The following TESPA1 variants were observed in gnomAD, a reference collection of about 807,000 sequenced individuals.
TESPA1 encodes protein TESPA1.
In TESPA1, 33 loss-of-function variants were observed where a neutral mutation model predicts 57.9. The observed-to-expected ratio is 0.57, with a 90% CI of 0.43 to 0.76. The LOEUF is 0.76. Ranked by LOEUF, TESPA1 falls within the 30% of genes least tolerant of loss-of-function variation. The pLI is 0.00. For synonymous variants in TESPA1, 227 were observed against 228.9 expected, an observed-to-expected ratio of 0.99 and a Z score of 0.07; for missense variants, 618 against 632.9, an observed-to-expected ratio of 0.98 and a Z score of 0.25.
At chr12:54,952,322 A>T (rs1950453778) in intron 10 of TESPA1, among the ~76,000 whole-genome samples, 1 of 152,236 alleles carries the variant, frequency 6.6e-6, no homozygotes, top group Admixed American at 6.5e-5. Context: ...GTAATGTTCT[A>T]TTATAGCAAC....
intron 9 of TESPA1, among the ~76,000 whole-genome samples, chr12:54,962,024 C>T (rs993356338): frequency 1.3e-4 from 20 of 152,160 alleles, no homozygotes; most frequent in Non-Finnish European, 2.8e-4. Flanking sequence ...TCTGAGAATC[C>T]TAGATTGAAA....
Position 54,949,755 on chromosome 12 carries a change from G to A in TESPA1, c.*637C>T, listed in dbSNP as rs934684731. On this transcript the variant is annotated 3_prime_UTR_variant, in exon 11 of 11. Coordinates refer to ENST00000449076, the MANE Select transcript of TESPA1 (RefSeq NM_001136030.3). The stretch of plus-strand genomic sequence containing the variant: ...TTTCTATAAAGATGCAAAATTTTGG[G>A]TAGAGAAAGAAACTGGATTTAAGGA... The A allele has an allele frequency of 1.2e-4, 18 of 152,504 alleles. No homozygotes were observed. The highest frequency in any genetic ancestry group is 4.1e-4 in the African/African-American group (17 of 41,410). The allele number at this position is 152,504 out of a possible 1,614,324, so 9.4% of individuals were successfully genotyped here.
chr12:54,979,777 A>G (rs181903103), intron 1 of TESPA1, among the ~76,000 whole-genome samples: 39 of 152,344 alleles, frequency 2.6e-4, no homozygotes, highest in African/African-American at 8.7e-4. Flanking sequence ...GAGGTATGTC[A>G]TAATTATGAC....
chr12:54,952,681 A>T (rs1451196643), intron 10 of TESPA1, among the ~76,000 whole-genome samples: 2 of 152,244 alleles, frequency 1.3e-5, no homozygotes, highest in Non-Finnish European at 2.9e-5. Context: ...GACTTCTCAA[A>T]TAGTCTTTGG....
intron 1 of TESPA1, among the ~76,000 whole-genome samples, chr12:54,977,708 A>T (rs572676658): frequency 6.6e-6 from 1 of 152,222 alleles, no homozygotes; most frequent in Non-Finnish European, 1.5e-5. Context: ...TTTCCTGGCA[A>T]TTTGGGTGAG....
In TESPA1 at chr12:54,962,850, C is replaced by T; in HGVS notation, c.1048G>A (p.Gly350Ser). The T allele has an allele frequency of 6.2e-7, 1 of 1,613,776 alleles. No homozygotes were observed. The highest frequency in any genetic ancestry group is 8.5e-7 in the Non-Finnish European group (1 of 1,179,782). ...TAGGGAGAAGTGGGCAACTTCTTACCCTCAGCAGGGGGCACAGGATCTTCC... is the reference window on the plus strand; with the variant it reads ...TAGGGAGAAGTGGGCAACTTCTTACTCTCAGCAGGGGGCACAGGATCTTCC... Reference protein sequence around the residue: ...SQEDPVPPAEGKKLPTSPYPC... With the variant: ...SQEDPVPPAESKKLPTSPYPC... The change falls in exon 9 of 11, where the codon GGT becomes AGT. Residue 350 changes from glycine (G) to serine (S), a missense_variant. By Grantham distance (56) the Gly-to-Ser change is moderately conservative. This residue lies in a region of TESPA1 where 409 missense variants were observed against 420.1 expected (regional missense o/e 0.97). Coordinates refer to ENST00000449076, the MANE Select transcript of TESPA1 (RefSeq NM_001136030.3).
At chr12:54,982,153 C>A (rs1328923404) in intron 1 of TESPA1, among the ~76,000 whole-genome samples, 1 of 152,222 alleles carries the variant, frequency 6.6e-6, no homozygotes, top group African/African-American at 2.4e-5. Flanking sequence ...GATTGTCCCC[C>A]ATTTGACATA....
intron 8 of TESPA1, among the ~76,000 whole-genome samples, chr12:54,963,534 G>A (rs954317025): frequency 1.3e-5 from 2 of 152,178 alleles, no homozygotes; most frequent in Admixed American, 1.3e-4. Context: ...AAGCAGTAGT[G>A]GCCTGAAGTC....
In TESPA1 at chr12:54,950,225, C is replaced by T. The variant is rs753244061; in HGVS notation, c.*167G>A. 1.1e-5 allele frequency: 5 copies of T among 455,658 alleles called. No individual in the cohort carries two copies. Among genetic ancestry groups the T allele is most frequent in the Non-Finnish European group, 2.2e-5 (5 of 226,856 alleles). 28.2% of individuals were successfully genotyped at this position (455,658 alleles called of 1,614,324 possible). The stretch of plus-strand genomic sequence containing the variant: ...CAAATCGCTCAGTCTGGTCTTCCTC[C>T]CCATGTACCATGCTGCCTTTCTCCT... On this transcript the variant is annotated 3_prime_UTR_variant, in exon 11 of 11. Transcript: ENST00000449076.
chr12:54,967,977 T>C (rs1315163983), intron 3 of TESPA1, 85 bp from the exon 4 acceptor site: 1 of 1,596,128 alleles, frequency 6.3e-7, no homozygotes, highest in Non-Finnish European at 8.5e-7. Context: ...CACATATTCA[T>C]ATTCTTTTCC....
intron 3 of TESPA1, among the ~76,000 whole-genome samples, chr12:54,969,797 G>T (rs1951710673): frequency 6.6e-6 from 1 of 152,172 alleles, no homozygotes; most frequent in Admixed American, 6.5e-5. Context: ...CAGGGTATTT[G>T]TTACCCTTGG....
intron 10 of TESPA1, among the ~76,000 whole-genome samples, chr12:54,957,596 G>A (rs1239868921): frequency 1.3e-5 from 2 of 152,154 alleles, no homozygotes; most frequent in East Asian, 1.9e-4. Flanking sequence ...ATAGCTTTGT[G>A]AAAAGATGGT....
chr12:54,983,052 G>A (rs1481894306), intron 1 of TESPA1, among the ~76,000 whole-genome samples: 1 of 152,188 alleles, frequency 6.6e-6, no homozygotes, highest in Non-Finnish European at 1.5e-5. Flanking sequence ...AAATAAACGT[G>A]TGATCTTTTC....
intron 10 of TESPA1, among the ~76,000 whole-genome samples, chr12:54,960,359 A>C (rs1384811160): frequency 6.6e-6 from 1 of 152,228 alleles, no homozygotes; most frequent in Non-Finnish European, 1.5e-5. Context: ...GGAGGAAAGA[A>C]ATTTTAGCTG....
At chr12:54,951,149 A>G (rs73108833) in intron 10 of TESPA1, among the ~76,000 whole-genome samples, 278 of 152,286 alleles carry the variant, frequency 1.8e-3, no homozygotes, top group Non-Finnish European at 3.2e-3. Context: ...GTGGGGCCTC[A>G]TGGGAGGTGA....
chr12:54,982,455 T>C (rs1387401409), intron 1 of TESPA1, among the ~76,000 whole-genome samples: 2 of 152,222 alleles, frequency 1.3e-5, no homozygotes, highest in Admixed American at 6.5e-5. Context: ...GAATAAATAC[T>C]GAAAGAAGAC....
intron 1 of TESPA1, among the ~76,000 whole-genome samples, chr12:54,976,096 A>G (rs1952125740): frequency 6.6e-6 from 1 of 152,228 alleles, no homozygotes; most frequent in Admixed American, 6.5e-5. Context: ...AATGTCATAA[A>G]GAAGCCTCGA....
chr12:54,951,226 G>C (rs1472636303), intron 10 of TESPA1, among the ~76,000 whole-genome samples: 1 of 152,130 alleles, frequency 6.6e-6, no homozygotes, highest in Middle Eastern at 3.2e-3. Context: ...CATGAGATCT[G>C]GTTGTTTAAA....
rs141882786 is a variant in TESPA1 at position 54,979,382 on chromosome 12, T to C, written c.-45-4775A>G. 2.6e-3 allele frequency among the ~76,000 whole-genome samples: 400 copies of C among 152,310 alleles called. 1 individual carries two copies. The highest frequency in any genetic ancestry group is 9.4e-3 in the African/African-American group (391 of 41,562). On this transcript the variant is annotated intron_variant, in intron 1 of 10. Transcript: ENST00000449076. ...CCTGTAGATATCTGTTCTCCAATTT[T>C]CCCATGAAACTAAGAAATTCCCACA... is the stretch of plus-strand genomic sequence containing the variant.
Sources: gnomAD v4.1 joint callset for allele counts (sites outside exome capture counted in the v4.1 genomes callset) on GRCh38, gnomAD v4.1.1 for gene constraint, gnomAD v4.1.1 regional missense constraint, MANE v1.5 for transcripts, NCBI Gene and HGNC (gene_info 2026-07-23, HGNC 2026-07-21) for gene names.